The following MICAL3 variants were observed in gnomAD, a reference collection of about 807,000 sequenced individuals.
MICAL3 encodes microtubule associated monooxygenase, calponin and LIM domain containing 3, also known as [F-actin]-monooxygenase MICAL3.
MICAL3 carries 62 observed loss-of-function variants against 207.4 expected under a neutral mutation model. That is an observed-to-expected ratio of 0.30 (90% CI 0.24 to 0.37). The LOEUF is 0.37. Ranked by LOEUF, MICAL3 falls within the 10% of genes least tolerant of loss-of-function variation. The pLI is 1.00. For synonymous variants in MICAL3, 1,077 were observed against 1,069.3 expected, an observed-to-expected ratio of 1.01 and a Z score of -0.14; for missense variants, 2,368 against 2,635.6, an observed-to-expected ratio of 0.90 and a Z score of 2.22.
chr22:17,815,617 C>G (rs1007848805), intron 27 of MICAL3: 7 of 152,390 alleles, frequency 4.6e-5, no homozygotes, highest in Admixed American at 1.3e-4. Flanking sequence ...CAGTTGCTGG[C>G]CTGGCTGGGG....
At chr22:17,989,564 A>G (rs1174083881) in intron 1 of MICAL3, among the ~76,000 whole-genome samples, 2 of 151,894 alleles carry the variant, frequency 1.3e-5, no homozygotes, top group Non-Finnish European at 2.9e-5. Flanking sequence ...CTCACGCTCA[A>G]CCCTGAGCCT....
At chr22:17,799,884 G>T (rs1569069132) in intron 29 of MICAL3, among the ~76,000 whole-genome samples, 1 of 149,662 alleles carries the variant, frequency 6.7e-6, no homozygotes, top group Non-Finnish European at 1.5e-5. Flanking sequence ...ACAAATGCAT[G>T]TAAGAATTAC....
chr22:17,895,376 G>C lies in MICAL3; in HGVS notation c.1357C>G (p.Pro453Ala), dbSNP rs748963097. The C allele has an allele frequency of 1.9e-6, 3 of 1,613,622 alleles. No individual in the cohort carries two copies. In the Admixed American group the frequency reaches 5.0e-5, roughly 27 times the overall value. The change falls in exon 10 of 32, where the codon CCT becomes GCT. Residue 453 changes from proline to alanine, a missense_variant. Physicochemically the swap from Pro to Ala is conservative, Grantham distance 27 (BLOSUM62 -1). Around this residue, in one of 4 missense-constraint regions of MICAL3, gnomAD observed 147 missense variants for 137.7 expected, o/e 1.07. Coordinates refer to ENST00000441493, the MANE Select transcript of MICAL3 (RefSeq NM_015241.3). ...SIYRLLPQTT[P>A]ENVSKNFSQY... is the part of the protein sequence containing the mutation. ...CTGAAGTTCTTACTCACATTCTCAG[G>C]GGTGGTCTGAGGCAGCAACCTGTAA...
Position 17,788,056 on chromosome 22 carries a change from G to A in MICAL3, c.*2676C>T, listed in dbSNP as rs536851416. On this transcript the variant is annotated 3_prime_UTR_variant, in exon 32 of 32. Coordinates refer to ENST00000441493, the MANE Select transcript of MICAL3 (RefSeq NM_015241.3). Reference sequence around the variant, plus strand: ...CCATCCTGCTTCCCTGCCTTCAAGGGAAGACTTAACTCTCCGAGAGAAAAC... The same window carrying A: ...CCATCCTGCTTCCCTGCCTTCAAGGAAAGACTTAACTCTCCGAGAGAAAAC... The A allele has an allele frequency of 6.6e-6, 1 of 152,410 alleles. No individual in the cohort carries two copies. Among genetic ancestry groups the A allele is most frequent in the East Asian group, 1.9e-4 (1 of 5,190 alleles). The allele number at this position is 152,410 out of a possible 1,614,324, so 9.4% of individuals were successfully genotyped here.
At chr22:17,971,168 C>A (rs1336431692) in intron 1 of MICAL3, among the ~76,000 whole-genome samples, 1 of 152,030 alleles carries the variant, frequency 6.6e-6, no homozygotes, top group African/African-American at 2.4e-5. Flanking sequence ...CAGAGCAAGA[C>A]CCCGTGTCAG....
At chr22:17,822,206 C>T in intron 23 of MICAL3, 36 bp from the exon 24 acceptor site, 1 of 1,591,838 alleles carries the variant, frequency 6.3e-7, no homozygotes, top group Non-Finnish European at 8.6e-7. Context: ...GGTGCACACC[C>T]TAAGTGAGGC....
At chr22:17,817,281 G>A (rs1309365239) in intron 26 of MICAL3, 30 bp downstream of exon 26, 2 of 1,508,294 alleles carry the variant, frequency 1.3e-6, no homozygotes, top group Admixed American at 3.9e-5. Context: ...CTCCCGCTCT[G>A]CCTGCACGCG....
At chr22:17,810,614 C>T in intron 28 of MICAL3, 89 bp downstream of exon 28, 1 of 1,077,502 alleles carries the variant, frequency 9.3e-7, no homozygotes. Flanking sequence ...CTGCACTGTG[C>T]TTGTGTGGCA....
chr22:17,925,059 T>C (rs1343027077), intron 1 of MICAL3, among the ~76,000 whole-genome samples: 1 of 152,174 alleles, frequency 6.6e-6, no homozygotes, highest in Non-Finnish European at 1.5e-5. Flanking sequence ...AACTGGATAT[T>C]GGGCTCTGGA....
chr22:17,848,167 C>T (rs1172332762), intron 19 of MICAL3, among the ~76,000 whole-genome samples: 1 of 152,216 alleles, frequency 6.6e-6, no homozygotes, highest in East Asian at 1.9e-4. Context: ...CAAAATCGGT[C>T]ACAGTGACGT....
intron 13 of MICAL3, 63 bp downstream of exon 13, chr22:17,888,971 G>GAAGA: frequency 4.1e-6 from 5 of 1,215,184 alleles, no homozygotes; most frequent in Non-Finnish European, 5.8e-6. Context: ...CGGAAGGAAG[G>GAAGA]AAGAACAGCC....
At chr22:17,996,394 A>C (rs1209436021) in intron 1 of MICAL3, among the ~76,000 whole-genome samples, 5 of 150,106 alleles carry the variant, frequency 3.3e-5, no homozygotes, top group African/African-American at 7.4e-5. Context: ...CAGTGAGCCG[A>C]GGTCGTGCCA....
At position 17,899,550 on chromosome 22, in the gene MICAL3, T is replaced by C; in HGVS notation, c.848-2A>G. 1 of 1,586,236 alleles carries C rather than the reference T, an allele frequency of 6.3e-7. No individual in the cohort carries two copies. The highest frequency in any genetic ancestry group is 8.6e-7 in the Non-Finnish European group (1 of 1,161,760). On this transcript the variant is annotated splice_acceptor_variant, in intron 6 of 31. Transcript: ENST00000441493. LOFTEE classifies it high-confidence loss of function. The stretch of plus-strand genomic sequence containing the variant: ...AAACGATGTTCTCCAAGTCAATACC[T>C]GGGGCCAGAAGACAAACGTGTGCAT...
intron 1 of MICAL3, among the ~76,000 whole-genome samples, chr22:18,002,085 C>T (rs1712727612): frequency 6.6e-6 from 1 of 152,156 alleles, no homozygotes; most frequent in African/African-American, 2.4e-5. Flanking sequence ...GTAGTCCCAG[C>T]TACTCTGGAG....
rs1293281590 is a variant in MICAL3, at chr22:17,791,016, C to T, written c.5806G>A (p.Glu1936Lys). The T allele has an allele frequency of 6.2e-7, 1 of 1,612,444 alleles. No individual in the cohort carries two copies. Among genetic ancestry groups the T allele is most frequent in the African/African-American group, 1.3e-5 (1 of 74,946 alleles). The change falls in exon 31 of 32, where the codon GAA becomes AAA. Residue 1936 changes from glutamate (E) to lysine (K), a missense_variant. Coordinates refer to ENST00000441493, the MANE Select transcript of MICAL3 (RefSeq NM_015241.3). ...CACTCACCTTCCACTGCCATGCGTT[C>T]CCGGAGCTCCTGCTGCAGTCGACTC... ...RQSRLQQELR[E>K]RMAVEDHLKT...
intron 29 of MICAL3, chr22:17,791,788 G>C (rs564004122): frequency 6.0e-6 from 1 of 167,718 alleles, no homozygotes; most frequent in Non-Finnish European, 1.3e-5. Flanking sequence ...GGGGCCACCA[G>C]AATAGATGCC....
intron 27 of MICAL3, among the ~76,000 whole-genome samples, chr22:17,816,252 C>CA (rs1920996563): frequency 6.6e-6 from 1 of 152,254 alleles, no homozygotes; most frequent in Non-Finnish European, 1.5e-5. Flanking sequence ...CCCTAACTAT[C>CA]AAACCCACCA....
At chr22:17,952,362 A>G (rs1051552550) in intron 1 of MICAL3, among the ~76,000 whole-genome samples, 3 of 152,274 alleles carry the variant, frequency 2.0e-5, no homozygotes, top group East Asian at 1.9e-4. Context: ...GGAAATCCGC[A>G]GCATCCAGCC....
At chr22:17,865,257 T>C (rs1045409730) in intron 18 of MICAL3, among the ~76,000 whole-genome samples, 2 of 152,016 alleles carry the variant, frequency 1.3e-5, no homozygotes, top group Non-Finnish European at 2.9e-5. Flanking sequence ...AGTCAAAGTC[T>C]AGATCCACCT....
Sources: allele counts gnomAD v4.1 joint callset (sites outside exome capture counted in the v4.1 genomes callset), GRCh38; gene constraint gnomAD v4.1.1; regional missense constraint gnomAD v4.1.1; transcripts MANE v1.5; gene names NCBI Gene and HGNC (gene_info 2026-07-23, HGNC 2026-07-21).